The following FGD4 variants were observed in gnomAD, a reference collection of about 807,000 sequenced individuals.
FGD4 encodes FYVE, RhoGEF and PH domain containing 4.
A neutral mutation model predicts 102.0 loss-of-function variants in FGD4; 42 were observed. That is an observed-to-expected ratio of 0.41 (90% confidence interval 0.32 to 0.53). The LOEUF is 0.53. Ranked by LOEUF, FGD4 falls within the 20% of genes least tolerant of loss-of-function variation. FGD4 has a pLI of 0.21. For missense variants in FGD4, 902 were observed against 1,078.2 expected (o/e 0.84, Z 2.29); for synonymous variants, 380 against 375.7 (o/e 1.01, Z -0.13).
At position 32,635,785 on chromosome 12, in the gene FGD4, C is replaced by T. The variant is rs534986785; in HGVS notation, c.2313+2096C>T. On this transcript the variant is annotated intron_variant, in intron 15 of 16. Coordinates refer to ENST00000534526, the MANE Select transcript of FGD4 (RefSeq NM_001370298.3). The stretch of plus-strand genomic sequence containing the variant: ...ATCCCAGCACTTTGGGAGGCTGAGG[C>T]GGGCGGATCACAAGGTCAGGAGTTC... 4.9e-3 allele frequency among the ~76,000 whole-genome samples: 738 copies of T among 152,044 alleles called. 4 individuals are homozygous for T. Among genetic ancestry groups the T allele is most frequent in the Non-Finnish European group, 7.9e-3 (536 of 67,972 alleles).
At chr12:32,469,696 G>A (rs1422754795) in intron 1 of FGD4, among the ~76,000 whole-genome samples, 2 of 150,258 alleles carry the variant, frequency 1.3e-5, no homozygotes, top group Non-Finnish European at 3.0e-5. Flanking sequence ...TTTTGCTCTT[G>A]TTGCCCAGGC....
At chr12:32,533,448 T>C (rs1270267608) in intron 1 of FGD4, among the ~76,000 whole-genome samples, 2 of 152,172 alleles carry the variant, frequency 1.3e-5, no homozygotes, top group Non-Finnish European at 2.9e-5. Context: ...GTTTTTGAGA[T>C]GGAGTCTCAC....
chr12:32,473,810 G>A (rs1943506072), intron 1 of FGD4, among the ~76,000 whole-genome samples: 1 of 152,146 alleles, frequency 6.6e-6, no homozygotes, highest in African/African-American at 2.4e-5. Context: ...GCTGTGGACC[G>A]GGCGCGGTGG....
intron 1 of FGD4, among the ~76,000 whole-genome samples, chr12:32,460,533 T>C (rs755494663): frequency 2.0e-5 from 3 of 151,976 alleles, no homozygotes; most frequent in Non-Finnish European, 2.9e-5. Context: ...AAAAAGCTAT[T>C]TTTGAGTATT....
At chr12:32,520,811 A>G (rs917589807) in intron 1 of FGD4, among the ~76,000 whole-genome samples, 15 of 152,158 alleles carry the variant, frequency 9.9e-5, no homozygotes, top group African/African-American at 3.1e-4. Flanking sequence ...GTGTGCGAAT[A>G]TGCATACTAG....
At chr12:32,624,697 C>T (rs1191299719) in intron 12 of FGD4, 3 of 665,084 alleles carry the variant, frequency 4.5e-6, no homozygotes, top group African/African-American at 3.6e-5. Context: ...TGATCTCGAA[C>T]TCCTGAGCTC....
intron 11 of FGD4, among the ~76,000 whole-genome samples, chr12:32,623,015 G>T (rs1949941063): frequency 6.6e-6 from 1 of 152,132 alleles, no homozygotes; most frequent in Non-Finnish European, 1.5e-5. Flanking sequence ...TTATATTTTT[G>T]ATTCTGAAGC....
At chr12:32,423,549 G>A (rs1269073781) in intron 1 of FGD4, among the ~76,000 whole-genome samples, 6 of 143,310 alleles carry the variant, frequency 4.2e-5, no homozygotes, top group Admixed American at 2.2e-4. Flanking sequence ...CCGAGATCAC[G>A]CCACTGCATT....
chr12:32,461,259 A>G (rs1244022848), intron 1 of FGD4, among the ~76,000 whole-genome samples: 2 of 152,256 alleles, frequency 1.3e-5, no homozygotes, highest in African/African-American at 4.8e-5. Flanking sequence ...TAAAACTGGT[A>G]TAAATACAAA....
rs1483824789 is a variant in FGD4, at chr12:32,625,640, T to G, written c.2047-14T>G. The G allele has an allele frequency of 1.9e-6, 3 of 1,613,504 alleles. No homozygotes were observed. In the South Asian group the frequency reaches 3.3e-5, roughly 18 times the overall value. ...TTTTTTTCTATTAAAATTGAATCTTTCTTCCCTTTTTAGACTGCTGAGCTA... is the reference window on the plus strand; with the variant it reads ...TTTTTTTCTATTAAAATTGAATCTTGCTTCCCTTTTTAGACTGCTGAGCTA... On this transcript the variant is annotated splice_polypyrimidine_tract_variant and intron_variant, in intron 13 of 16. Coordinates refer to ENST00000534526, the MANE Select transcript of FGD4 (RefSeq NM_001370298.3).
intron 2 of FGD4, among the ~76,000 whole-genome samples, chr12:32,572,560 C>A (rs1293845136): frequency 2.0e-5 from 3 of 152,200 alleles, no homozygotes; most frequent in Non-Finnish European, 4.4e-5. Flanking sequence ...TTTCCATTCT[C>A]ATCGTCTGTA....
At chr12:32,471,380 T>A (rs1278163848) in intron 1 of FGD4, among the ~76,000 whole-genome samples, 1 of 152,198 alleles carries the variant, frequency 6.6e-6, no homozygotes, top group African/African-American at 2.4e-5. Context: ...ATTTGTTATG[T>A]GTCTCTGGAG....
intron 14 of FGD4, among the ~76,000 whole-genome samples, chr12:32,630,455 G>T (rs958009667): frequency 1.6e-4 from 25 of 152,228 alleles, no homozygotes; most frequent in African/African-American, 5.8e-4. Flanking sequence ...TGAGGCAGGA[G>T]GATTGCTTGA....
chr12:32,571,183 G>A lies in FGD4; in HGVS notation c.320-5083G>A, dbSNP rs372542627. 1.1e-4 allele frequency among the ~76,000 whole-genome samples: 16 copies of A among 152,234 alleles called. 1 individual carries two copies. Among genetic ancestry groups the A allele is most frequent in the Admixed American group, 1.3e-4 (2 of 15,302 alleles). ...TTAAGAGTTGAATGTGGCTGGGCAC[G>A]GTGGCTCACGCCTGTAATCCTTGCA... On this transcript the variant is annotated intron_variant, in intron 2 of 16. Coordinates refer to ENST00000534526, the MANE Select transcript of FGD4 (RefSeq NM_001370298.3).
rs1003932893 is a variant in FGD4 at position 32,469,762 on chromosome 12, C to T, written c.166+69803C>T. Among the ~76,000 whole-genome samples the T allele has an allele frequency of 2.0e-5, 3 of 152,006 alleles. No individual in the cohort carries two copies. The South Asian group carries it at 6.2e-4, about 32-fold the overall frequency. On this transcript the variant is annotated intron_variant, in intron 1 of 16. Coordinates refer to ENST00000534526, the MANE Select transcript of FGD4 (RefSeq NM_001370298.3). ...GCAACCTCTGCCTCCCAGGTTCAAG[C>T]AATTCTCCTGCTTTAGCCTCCCGAG...
intron 1 of FGD4, among the ~76,000 whole-genome samples, chr12:32,536,049 T>C (rs965804468): frequency 4.6e-5 from 7 of 152,268 alleles, no homozygotes; most frequent in Middle Eastern, 3.4e-3. Flanking sequence ...AAATTGTAAA[T>C]ATGCATATTT....
In FGD4 at chr12:32,605,181, C is replaced by A. The variant is rs370339116; in HGVS notation, c.1405-2776C>A. On this transcript the variant is annotated intron_variant, in intron 7 of 16. Transcript: ENST00000534526. The stretch of plus-strand genomic sequence containing the variant: ...CTCAAACTCCTGGCCTCAAATGATT[C>A]CCCCGTCTCGGCTTTCCAAAGTGCT... Among the ~76,000 whole-genome samples, 14 of 152,074 alleles carry A rather than the reference C, an allele frequency of 9.2e-5. No homozygotes were observed. The East Asian group carries it at 2.3e-3, about 25-fold the overall frequency.
At chr12:32,524,844 CAG>C (rs1254111517) in intron 1 of FGD4, among the ~76,000 whole-genome samples, 1 of 151,422 alleles carries the variant, frequency 6.6e-6, no homozygotes, top group East Asian at 1.9e-4. Context: ...AAAATGAGCA[CAG>C]AGATTACAGA....
At chr12:32,433,251 C>T (rs1343218922) in intron 1 of FGD4, among the ~76,000 whole-genome samples, 2 of 152,194 alleles carry the variant, frequency 1.3e-5, no homozygotes, top group Non-Finnish European at 2.9e-5. Context: ...CCTGCCTCGG[C>T]TTCCTAAAGT....
Sources: allele counts gnomAD v4.1 joint callset (sites outside exome capture counted in the v4.1 genomes callset), GRCh38; gene constraint gnomAD v4.1.1; transcripts MANE v1.5; gene names NCBI Gene and HGNC (gene_info 2026-07-23, HGNC 2026-07-21).